Variants in XPC observed in about 807,000 individuals in gnomAD.
XPC encodes the protein DNA repair protein complementing XP-C cells.
XPC carries 76 observed loss-of-function variants against 95.8 expected under a neutral mutation model. The observed-to-expected ratio is 0.79, with a 90% confidence interval of 0.66 to 0.96. The LOEUF (loss-of-function observed/expected upper bound fraction) is 0.96. Among genes scored for constraint, XPC ranks in the 40% least tolerant of loss-of-function variants. The pLI is 0.00. For missense variants in XPC, 1,146 were observed against 1,179.8 expected (o/e 0.97, Z 0.42); for synonymous variants, 442 against 442.1 (o/e 1.00, Z 0.00).
intron 5 of XPC, 75 bp downstream of exon 5, chr3:14,167,094 G>A: frequency 2.2e-6 from 3 of 1,359,786 alleles, no homozygotes; most frequent in Non-Finnish European, 3.0e-6. Context: ...AGCAAAGCCA[G>A]AAATAAAGCC....
intron 6 of XPC, 93 bp downstream of exon 6, chr3:14,165,335 A>G (rs985090703): frequency 1.8e-5 from 26 of 1,437,388 alleles, no homozygotes; most frequent in Non-Finnish European, 2.4e-5. Context: ...TTACCGCCTC[A>G]GGGAAGGTCT....
In XPC at chr3:14,165,549, G is replaced by A. The variant is rs745679643; in HGVS notation, c.658C>T (p.Arg220Ter). 26 of 1,612,820 alleles carry A rather than the reference G, an allele frequency of 1.6e-5. No homozygotes were observed. The highest frequency in any genetic ancestry group is 2.2e-5 in the South Asian group (2 of 90,690). ...TCTGGCTGGCTGCAGATGTTATTTC[G>A]ATAGAAGCCATTTGCTAGCAGGCAG... ...LLCLLANGFYRNNICSQPDLH... is the reference protein window; with the variant it reads ...LLCLLANGFY The change falls in exon 6 of 16, where the codon CGA (arginine) becomes TGA (stop). Residue 220 changes from arginine to a stop codon, truncating the protein, a stop_gained. Transcript: ENST00000285021. LOFTEE classifies it high-confidence loss of function.
chr3:14,145,728 G>C lies in XPC; in HGVS notation c.*213C>G, dbSNP rs1188636845. ...AAAAAGCTTTGAAGGCTTCACCCTG[G>C]GTGAATCTGACAAGGGCTGGAGCCA... On this transcript the variant is annotated 3_prime_UTR_variant, in exon 16 of 16. Transcript: ENST00000285021. 1.4e-6 allele frequency: 1 copy of C among 712,374 alleles called. No individual in the cohort carries two copies. The highest frequency in any genetic ancestry group is 2.5e-6 in the Non-Finnish European group (1 of 396,536). The allele number at this position is 712,374 out of a possible 1,614,324, so 44.1% of individuals were successfully genotyped here. A position where few individuals can be genotyped will look rare whatever the true frequency, so the allele number is the denominator to read the frequency against.
At chr3:14,168,149 CT>C in intron 4 of XPC, 107 bp downstream of exon 4, 1 of 1,417,914 alleles carries the variant, frequency 7.1e-7, no homozygotes, top group Non-Finnish European at 9.3e-7. Flanking sequence ...TTCTCGACCA[CT>C]TTGATACTCA....
At chr3:14,147,529 T>C in intron 14 of XPC, 150 bp from the exon 15 acceptor site, 1 of 768,222 alleles carries the variant, frequency 1.3e-6, no homozygotes, top group Non-Finnish European at 2.1e-6. Flanking sequence ...TCCAAAAAAT[T>C]GATCTGATTT....
chr3:14,168,521 T>A (rs915691655), intron 3 of XPC, 141 bp from the exon 4 acceptor site: 3 of 1,008,750 alleles, frequency 3.0e-6, no homozygotes, highest in Non-Finnish European at 4.3e-6. Flanking sequence ...CCCCTAGACA[T>A]GCCTTGCCCT....
At position 14,170,525 on chromosome 3, in the gene XPC, C is replaced by T. The variant is rs1196344113; in HGVS notation, c.325G>A (p.Ala109Thr). ...GTAGCCCCTCTCTTCAGATGGTGTG[C>T]CTTCTTGAGGTCACTTGGAAAGTCC... ...LRDFPSDLKK[A>T]HHLKRGATMN... The change falls in exon 3 of 16, where the codon GCA becomes ACA. Residue 109 changes from alanine to threonine, a missense_variant. Physicochemically the swap from Ala to Thr is moderately conservative, Grantham distance 58. Coordinates refer to ENST00000285021, the MANE Select transcript of XPC (RefSeq NM_004628.5). The T allele has an allele frequency of 6.2e-7, 1 of 1,612,900 alleles. No homozygotes were observed. The highest frequency in any genetic ancestry group is 1.3e-5 in the African/African-American group (1 of 74,882).
At chr3:14,148,315 G>A in intron 13 of XPC, 1 of 614,642 alleles carries the variant, frequency 1.6e-6, no homozygotes, top group Non-Finnish European at 2.8e-6. Context: ...TCACTAGCCT[G>A]TGAGTCCCTA....
intron 4 of XPC, 89 bp downstream of exon 4, chr3:14,168,168 T>C (rs1696460635): frequency 6.8e-7 from 1 of 1,475,046 alleles, no homozygotes; most frequent in South Asian, 1.4e-5. Context: ...TCAGTCCTGG[T>C]CCCCTACAAG....
chr3:14,156,911 ACCCT>A (rs1280344817), intron 9 of XPC, among the ~76,000 whole-genome samples: 16 of 152,184 alleles, frequency 1.1e-4, no homozygotes, highest in African/African-American at 3.6e-4. Context: ...AGCGGTTCTC[ACCCT>A]GCGACTTTTC....
At position 14,145,514 on chromosome 3, in the gene XPC, G is replaced by C. The variant is rs756382906; in HGVS notation, c.*427C>G. 3 of 699,148 alleles carry C rather than the reference G, an allele frequency of 4.3e-6. No individual in the cohort carries two copies. The highest frequency in any genetic ancestry group is 3.7e-4 in the Middle Eastern group (1 of 2,730). 43.3% of individuals were successfully genotyped at this position (699,148 alleles called of 1,614,324 possible). A position where few individuals can be genotyped will look rare whatever the true frequency, so the allele number is the denominator to read the frequency against. On this transcript the variant is annotated 3_prime_UTR_variant, in exon 16 of 16. Transcript: ENST00000285021. ...CGCAACCGAGGCGAGTGAACTTGTC[G>C]GACAGATGAAGACTCTAACTGGAAG...
At chr3:14,172,810 C>A in intron 2 of XPC, 57 bp downstream of exon 2, 1 of 1,560,156 alleles carries the variant, frequency 6.4e-7, no homozygotes, top group Admixed American at 1.9e-5. Flanking sequence ...TTTCATTATT[C>A]ACAATTCTCT....
intron 1 of XPC, among the ~76,000 whole-genome samples, chr3:14,174,831 G>C (rs1358673134): frequency 2.6e-5 from 4 of 152,084 alleles, no homozygotes; most frequent in Non-Finnish European, 1.5e-5. Flanking sequence ...CTGGATGGCA[G>C]AAATATGGGT....
At chr3:14,167,779 C>T (rs1011796170) in intron 4 of XPC, among the ~76,000 whole-genome samples, 6 of 152,180 alleles carry the variant, frequency 3.9e-5, no homozygotes, top group African/African-American at 1.2e-4. Flanking sequence ...CCCAAGCCAT[C>T]AGAGGCTGCA....
intron 9 of XPC, among the ~76,000 whole-genome samples, chr3:14,157,091 T>G (rs1695945513): frequency 6.6e-6 from 1 of 152,004 alleles, no homozygotes. Context: ...CAATGTGGAG[T>G]TGCTGAGAGT....
intron 3 of XPC, among the ~76,000 whole-genome samples, chr3:14,169,093 A>G (rs1037542356): frequency 5.9e-5 from 9 of 152,200 alleles, no homozygotes; most frequent in Non-Finnish European, 8.8e-5. Context: ...TGAAGAAAAA[A>G]AGGCTGGTTT....
intron 7 of XPC, 77 bp from the exon 8 acceptor site, chr3:14,159,907 G>C: frequency 1.4e-6 from 2 of 1,406,636 alleles, no homozygotes; most frequent in Non-Finnish European, 2.0e-6. Context: ...GTTTGTTATG[G>C]TGCTTGTTCA....
chr3:14,147,698 C>T (rs1001016476), intron 14 of XPC: 18 of 599,466 alleles, frequency 3.0e-5, no homozygotes, highest in African/African-American at 5.6e-5. Flanking sequence ...CCCCAGAGCC[C>T]GGACCCAGGC....
rs533079716 is a variant in XPC, at chr3:14,147,507, C to G, written c.2515-128G>C. On this transcript the variant is annotated intron_variant, in intron 14 of 15. Transcript: ENST00000285021. The stretch of plus-strand genomic sequence containing the variant: ...TTTAGAATATAGCCTCTCCTTCACA[C>G]CAAGTCTCACTTCCAAAAAATTGAT... 22 of 896,858 alleles carry G rather than the reference C, an allele frequency of 2.5e-5. No homozygotes were observed. The South Asian group carries it at 3.2e-4, about 13-fold the overall frequency. The allele number at this position is 896,858 out of a possible 1,614,324, so 55.6% of individuals were successfully genotyped here. A position where few individuals can be genotyped will look rare whatever the true frequency, so the allele number is the denominator to read the frequency against.
Sources: gnomAD v4.1 joint callset for allele counts (sites outside exome capture counted in the v4.1 genomes callset) on GRCh38, gnomAD v4.1.1 for gene constraint, MANE v1.5 for transcripts, NCBI Gene and HGNC (gene_info 2026-07-23, HGNC 2026-07-21) for gene names.